The following BCAS3 variants were observed in gnomAD, a reference collection of about 807,000 sequenced individuals.
BCAS3 encodes the protein BCAS3 microtubule associated cell migration factor, also known as BCAS4/BCAS3 fusion.
BCAS3 carries 53 observed loss-of-function variants against 116.1 expected under a neutral mutation model. The observed-to-expected ratio is 0.46, with a 90% CI of 0.37 to 0.57. The LOEUF (loss-of-function observed/expected upper bound fraction) is 0.57, where lower values mean the gene tolerates loss of function less well. Among genes scored for constraint, BCAS3 ranks in the 20% least tolerant of loss-of-function variants. The pLI is 0.00. For missense variants in BCAS3, 917 were observed against 1,165.4 expected (o/e 0.79, Z 3.10); for synonymous variants, 391 against 408.2 (o/e 0.96, Z 0.51).
chr17:60,750,559 A>G (rs1283866901), intron 6 of BCAS3, among the ~76,000 whole-genome samples: 1 of 152,228 alleles, frequency 6.6e-6, no homozygotes, highest in East Asian at 1.9e-4. Context: ...GATTGTGTAC[A>G]TAGAAAATGC....
chr17:60,712,872 C>T (rs866077046), intron 5 of BCAS3, among the ~76,000 whole-genome samples: 2 of 152,138 alleles, frequency 1.3e-5, no homozygotes, highest in African/African-American at 2.4e-5. Context: ...GTAAATCATT[C>T]TCAGGAAAGT....
In BCAS3 at chr17:61,096,000, GC is replaced by G. The variant is rs536806782; in HGVS notation, c.2425+11437del. Among the ~76,000 whole-genome samples, 13 of 152,122 alleles carry G rather than the reference GC, an allele frequency of 8.5e-5. No homozygotes were observed. The South Asian group carries it at 2.7e-3, about 32-fold the overall frequency. ...AAAAATACTAAATCTTTCAAAACAA[GC>G]TTTTTTAATTTTTTGAGATGGAGTC... On this transcript the variant is annotated intron_variant, in intron 22 of 23. Transcript: ENST00000407086. This position sits in a 1 kb window ranked among gnomAD's most constrained non-coding sequence, Gnocchi z 4.7.
intron 22 of BCAS3, among the ~76,000 whole-genome samples, chr17:61,357,273 T>A (rs1440367386): frequency 1.6e-4 from 23 of 147,296 alleles, no homozygotes; most frequent in African/African-American, 5.7e-4. Context: ...AATAAATTAA[T>A]TAATTAAATA....
intron 19 of BCAS3, among the ~76,000 whole-genome samples, chr17:61,054,208 G>T (rs1370708124): frequency 6.6e-6 from 1 of 152,136 alleles, no homozygotes. Context: ...GTCATTGCTG[G>T]TCTCGAGATG....
rs187750448 is a variant in BCAS3, at chr17:60,911,816, A to G, written c.993+1114A>G. On this transcript the variant is annotated intron_variant, in intron 12 of 23. Coordinates refer to ENST00000407086, the MANE Select transcript of BCAS3 (RefSeq NM_017679.5). Reference sequence around the variant, plus strand: ...ATTAATTAATAGTTGCAACTTACACAATTTACTGAGTAGTATCAAAATTTA... The same window carrying G: ...ATTAATTAATAGTTGCAACTTACACGATTTACTGAGTAGTATCAAAATTTA... Among the ~76,000 whole-genome samples, 947 of 152,314 alleles carry G rather than the reference A, an allele frequency of 6.2e-3. 4 individuals carry two copies. The highest frequency in any genetic ancestry group is 9.0e-3 in the Non-Finnish European group (615 of 68,022).
Position 61,013,964 on chromosome 17 carries a change from C to A in BCAS3, c.1487-1787C>A, listed in dbSNP as rs2065271600. Reference sequence around the variant, plus strand: ...GTTCTCCCTCTATCCTGAATCCATGCTATTTTTAAAGCAAATGTCTTTTAG... The same window carrying A: ...GTTCTCCCTCTATCCTGAATCCATGATATTTTTAAAGCAAATGTCTTTTAG... On this transcript the variant is annotated intron_variant, in intron 15 of 23. Coordinates refer to ENST00000407086, the MANE Select transcript of BCAS3 (RefSeq NM_017679.5). The surrounding 1 kb of genome is among the most constrained non-coding windows in gnomAD (Gnocchi z 4.4). 6.6e-6 allele frequency among the ~76,000 whole-genome samples: 1 copy of A among 151,976 alleles called. No homozygotes were observed. Among genetic ancestry groups the A allele is most frequent in the African/African-American group, 2.4e-5 (1 of 41,412 alleles).
At position 61,324,822 on chromosome 17, in the gene BCAS3, G is replaced by GA. The variant is rs552000873; in HGVS notation, c.2426-43490dup. 0.082 allele frequency among the ~76,000 whole-genome samples: 10,220 copies of GA among 124,584 alleles called. 1,087 individuals carry two copies. Among genetic ancestry groups the GA allele is most frequent in the African/African-American group, 0.26 (9,191 of 35,204 alleles). The allele number at this position is 124,584 out of a possible 152,430, so 81.7% of individuals were successfully genotyped here. On this transcript the variant is annotated intron_variant, in intron 22 of 23. Coordinates refer to ENST00000407086, the MANE Select transcript of BCAS3 (RefSeq NM_017679.5). This position sits in a 1 kb window ranked among gnomAD's most constrained non-coding sequence, Gnocchi z 4.6. ...CAACCTAGTGAGACCTCATCTCTAT[G>GA]AAAAAAAAAAAAAAAGAAGAAACAA...
At chr17:60,825,710 G>A (rs1444213716) in intron 7 of BCAS3, among the ~76,000 whole-genome samples, 3 of 151,572 alleles carry the variant, frequency 2.0e-5, no homozygotes, top group Non-Finnish European at 2.9e-5. Flanking sequence ...TCCTCACATG[G>A]TGGAAGGGCA....
intron 2 of BCAS3, 45 bp from the exon 3 acceptor site, chr17:60,683,937 T>C (rs1413519296): frequency 1.3e-6 from 2 of 1,508,814 alleles, no homozygotes; most frequent in East Asian, 4.5e-5. Flanking sequence ...TCATGTTCTA[T>C]ATTAAGCTCT....
At chr17:60,879,676 A>G (rs1312392614) in intron 9 of BCAS3, among the ~76,000 whole-genome samples, 1 of 152,240 alleles carries the variant, frequency 6.6e-6, no homozygotes, top group Non-Finnish European at 1.5e-5. Flanking sequence ...ACAGTAAGCA[A>G]TCTTGTTCCA....
intron 15 of BCAS3, among the ~76,000 whole-genome samples, chr17:61,010,068 C>CTTT (rs1189821266): frequency 5.4e-5 from 6 of 111,046 alleles, no homozygotes; most frequent in Non-Finnish European, 7.7e-5. Flanking sequence ...CAGACTCTGT[C>CTTT]TTTTTTTTTT....
rs986059304 is a variant in BCAS3 at position 61,249,344 on chromosome 17, G to A, written c.2426-118983G>A. Among the ~76,000 whole-genome samples the A allele has an allele frequency of 6.6e-6, 1 of 152,162 alleles. No homozygotes were observed. Among genetic ancestry groups the A allele is most frequent in the African/African-American group, 2.4e-5 (1 of 41,450 alleles). ...TGAAAATAATACCAGCACTGCTAGA[G>A]TGGGTATTTGGCTCAGTTCAGGCCT... On this transcript the variant is annotated intron_variant, in intron 22 of 23. Coordinates refer to ENST00000407086, the MANE Select transcript of BCAS3 (RefSeq NM_017679.5). This position sits in a 1 kb window ranked among gnomAD's most constrained non-coding sequence, Gnocchi z 6.2.
At chr17:61,107,082 C>CT (rs755754824) in intron 22 of BCAS3, among the ~76,000 whole-genome samples, 83,569 of 106,762 alleles carry the variant, frequency 0.78, 35,442 homozygotes, top group South Asian at 0.93. Flanking sequence ...ACTAGGCTTA[C>CT]TTTTTTTTTT....
chr17:60,934,186 G>T (rs1325106926), intron 13 of BCAS3, among the ~76,000 whole-genome samples: 1 of 152,082 alleles, frequency 6.6e-6, no homozygotes, highest in African/African-American at 2.4e-5. Context: ...TCCTGAAGGA[G>T]AGTGCCCATG....
At chr17:61,223,839 T>A (rs1470275489) in intron 22 of BCAS3, among the ~76,000 whole-genome samples, 2 of 152,218 alleles carry the variant, frequency 1.3e-5, no homozygotes, top group African/African-American at 4.8e-5. Context: ...TCAGCTCAAG[T>A]GTTTTCAAAA....
At chr17:61,093,015 T>C (rs1349186344) in intron 22 of BCAS3, among the ~76,000 whole-genome samples, 1 of 149,910 alleles carries the variant, frequency 6.7e-6, no homozygotes, top group African/African-American at 2.5e-5. Flanking sequence ...AAAGTGATTA[T>C]CCTGCCTCAG....
rs2072920408 is a variant in BCAS3, at chr17:61,084,528, C to T, written c.2389C>T (p.Arg797Ter). The T allele has an allele frequency of 1.2e-6, 2 of 1,614,086 alleles. No individual in the cohort carries two copies. The highest frequency in any genetic ancestry group is 1.1e-5 in the South Asian group (1 of 91,064). Residue 797 changes from arginine (R) to a stop codon, truncating the protein, a stop_gained, in exon 22 of 24, where the codon CGA becomes TGA. Transcript: ENST00000407086. LOFTEE classifies it high-confidence loss of function. This position sits in a 1 kb window ranked among gnomAD's most constrained non-coding sequence, Gnocchi z 5.5. ...MPGSSRPVSD[R>*]RGVSTVIDAA... is the part of the protein sequence containing the mutation. ...AGGGTCATCCCGTCCAGTCTCTGAT[C>T]GAAGGGGAGTTTCCACAGTGATTGA...
Position 61,332,964 on chromosome 17 carries a change from A to G in BCAS3, c.2426-35363A>G, listed in dbSNP as rs1602753358. 6.6e-6 allele frequency among the ~76,000 whole-genome samples: 1 copy of G among 152,216 alleles called. No individual in the cohort carries two copies. Among genetic ancestry groups the G allele is most frequent in the Admixed American group, 6.5e-5 (1 of 15,290 alleles). Reference sequence around the variant, plus strand: ...AGCTAAGGCTCAGAGAAGTCATATTACAAGTCTAGGGCAGAGCGGGGACTA... The same window carrying G: ...AGCTAAGGCTCAGAGAAGTCATATTGCAAGTCTAGGGCAGAGCGGGGACTA... On this transcript the variant is annotated intron_variant, in intron 22 of 23. Coordinates refer to ENST00000407086, the MANE Select transcript of BCAS3 (RefSeq NM_017679.5). The surrounding 1 kb of genome is among the most constrained non-coding windows in gnomAD (Gnocchi z 5.4).
intron 14 of BCAS3, among the ~76,000 whole-genome samples, chr17:60,981,188 C>G (rs2062792208): frequency 6.6e-6 from 1 of 152,026 alleles, no homozygotes; most frequent in Admixed American, 6.6e-5. Flanking sequence ...TATGATTTGT[C>G]TACTTTGACT....
Sources: gnomAD v4.1 joint callset for allele counts (sites outside exome capture counted in the v4.1 genomes callset) on GRCh38, gnomAD v4.1.1 for gene constraint, Gnocchi (gnomAD v3.1) non-coding constraint, MANE v1.5 for transcripts, NCBI Gene and HGNC (gene_info 2026-07-23, HGNC 2026-07-21) for gene names.